RYR2: variants seen among roughly 807,000 people sequenced by gnomAD.
RYR2 encodes the protein ryanodine receptor 2, also known as cardiac muscle ryanodine receptor-calcium release channel.
A neutral mutation model predicts 601.1 loss-of-function variants in RYR2; 227 were observed. That is an observed-to-expected ratio of 0.38 (90% CI 0.34 to 0.42). The LOEUF (loss-of-function observed/expected upper bound fraction) is 0.42, where lower values mean the gene tolerates loss of function less well. Among genes scored for constraint, RYR2 ranks in the 10% least tolerant of loss-of-function variants. The pLI, the probability that RYR2 is intolerant of heterozygous loss-of-function variation, is 1.00. For missense variants in RYR2, 4,646 were observed against 6,156.5 expected, an observed-to-expected ratio of 0.75 and a Z score of 8.21; for synonymous variants, 2,223 against 2,175.1, an observed-to-expected ratio of 1.02 and a Z score of -0.61.
chr1:237,059,536 G>C (rs560119071), intron 1 of RYR2, among the ~76,000 whole-genome samples: 7 of 152,170 alleles, frequency 4.6e-5, no homozygotes, highest in Middle Eastern at 3.4e-3. Context: ...TATTTTTGTG[G>C]GCAGGGAAAA....
At chr1:237,708,689 A>G (rs1409961451) in intron 68 of RYR2, among the ~76,000 whole-genome samples, 169 bp from the exon 69 acceptor site, 2 of 152,208 alleles carry the variant, frequency 1.3e-5, no homozygotes, top group Admixed American at 6.5e-5. Context: ...AATGGCAGCT[A>G]TGCAATTAGA....
intron 1 of RYR2, among the ~76,000 whole-genome samples, chr1:237,235,698 C>T (rs1350004955): frequency 6.6e-6 from 1 of 152,148 alleles, no homozygotes; most frequent in Non-Finnish European, 1.5e-5. Flanking sequence ...TTATATAACC[C>T]AAGTAACAAG....
chr1:237,159,235 G>T (rs1675735288), intron 1 of RYR2, among the ~76,000 whole-genome samples: 1 of 152,114 alleles, frequency 6.6e-6, no homozygotes. Context: ...AGGTTCCAGT[G>T]AGCCGAGATC....
intron 3 of RYR2, among the ~76,000 whole-genome samples, chr1:237,341,941 A>G (rs1004828071): frequency 2.0e-5 from 3 of 152,300 alleles, no homozygotes; most frequent in Admixed American, 1.3e-4. Flanking sequence ...CATAATCACT[A>G]TTAGTTCCCC....
At chr1:237,322,889 A>G (rs983495655) in intron 2 of RYR2, among the ~76,000 whole-genome samples, 3 of 151,418 alleles carry the variant, frequency 2.0e-5, no homozygotes, top group South Asian at 2.1e-4. Flanking sequence ...TTTTTGAGGA[A>G]AGAGTGAAAA....
intron 29 of RYR2, among the ~76,000 whole-genome samples, chr1:237,580,425 G>A (rs1416907186): frequency 2.0e-5 from 3 of 151,288 alleles, no homozygotes; most frequent in Admixed American, 6.6e-5. Context: ...CAAAGGTGTT[G>A]GGATTACAGG....
intron 80 of RYR2, among the ~76,000 whole-genome samples, chr1:237,748,930 T>C (rs1269083773): frequency 1.3e-5 from 2 of 152,212 alleles, no homozygotes; most frequent in Non-Finnish European, 2.9e-5. Context: ...TTACATTGTG[T>C]ATTAAGTATT....
intron 25 of RYR2, among the ~76,000 whole-genome samples, chr1:237,544,929 T>A (rs542675683): frequency 2.6e-5 from 4 of 152,208 alleles, no homozygotes; most frequent in Non-Finnish European, 4.4e-5. Flanking sequence ...ACTGTACAAA[T>A]GATTTGTTGT....
intron 8 of RYR2, among the ~76,000 whole-genome samples, chr1:237,381,565 G>C (rs116927034): frequency 6.6e-6 from 1 of 152,230 alleles, no homozygotes; most frequent in African/African-American, 2.4e-5. Flanking sequence ...CACTAACAGC[G>C]ATGGTTAAGC....
intron 17 of RYR2, among the ~76,000 whole-genome samples, chr1:237,471,472 G>A (rs1029508445): frequency 6.6e-6 from 1 of 152,250 alleles, no homozygotes; most frequent in Non-Finnish European, 1.5e-5. Context: ...TTAGGGCCAA[G>A]TGTCCAGAAT....
At chr1:237,545,761 A>T (rs1174167680) in intron 25 of RYR2, among the ~76,000 whole-genome samples, 5 of 151,940 alleles carry the variant, frequency 3.3e-5, no homozygotes, top group Non-Finnish European at 5.9e-5. Context: ...AATAAAAAAA[A>T]AAAAAAATAC....
At chr1:237,474,421 C>G (rs1661173325) in intron 17 of RYR2, among the ~76,000 whole-genome samples, 1 of 151,850 alleles carries the variant, frequency 6.6e-6, no homozygotes, top group Admixed American at 6.6e-5. Context: ...ACTCAATGTT[C>G]TATATATGCC....
chr1:237,338,066 G>T (rs754765984), intron 3 of RYR2, among the ~76,000 whole-genome samples: 5 of 152,124 alleles, frequency 3.3e-5, no homozygotes, highest in Admixed American at 6.5e-5. Context: ...AGCCAGCAGT[G>T]ACCTACCATG....
intron 3 of RYR2, among the ~76,000 whole-genome samples, chr1:237,349,550 T>G (rs1698581767): frequency 6.6e-6 from 1 of 152,188 alleles, no homozygotes; most frequent in Admixed American, 6.5e-5. Flanking sequence ...ATAATCGTAT[T>G]AATGCCTTGT....
intron 10 of RYR2, among the ~76,000 whole-genome samples, chr1:237,411,870 C>A (rs1704492805): frequency 6.6e-6 from 1 of 152,092 alleles, no homozygotes; most frequent in African/African-American, 2.4e-5. Flanking sequence ...GCAGCACTCA[C>A]AATGAAAGGA....
chr1:237,149,049 G>A (rs550962495), intron 1 of RYR2, among the ~76,000 whole-genome samples: 17 of 152,248 alleles, frequency 1.1e-4, no homozygotes, highest in African/African-American at 3.9e-4. Flanking sequence ...AATCAAGTAG[G>A]ATAAATTGTT....
Position 237,759,797 on chromosome 1 carries a change from G to C in RYR2, c.11347G>C (p.Glu3783Gln). The change falls in exon 83 of 105, where the codon GAG becomes CAG. Residue 3783 changes from glutamate (E) to glutamine (Q), a missense_variant. Transcript: ENST00000366574. ...ATAGAAAATGCTTGACTACCTCAAG[G>C]AGAAAAAGGATGTGGGCTTCTTTCA... The part of the protein sequence containing the change: ...VQQKMLDYLK[E>Q]KKDVGFFQSL... The C allele has an allele frequency of 6.2e-7, 1 of 1,612,746 alleles. No homozygotes were observed.
intron 87 of RYR2, among the ~76,000 whole-genome samples, chr1:237,775,542 C>CATTGTGT (rs563232870): frequency 5.1e-4 from 76 of 149,166 alleles, no homozygotes; most frequent in African/African-American, 1.7e-3. Flanking sequence ...TAGATTACAG[C>CATTGTGT]ATTGCGTATT....
At chr1:237,379,979 TA>T (rs1401507854) in intron 8 of RYR2, among the ~76,000 whole-genome samples, 1 of 152,190 alleles carries the variant, frequency 6.6e-6, no homozygotes, top group Non-Finnish European at 1.5e-5. Context: ...TCATGCTTTC[TA>T]ACCTCAAATA....
Sources: allele counts gnomAD v4.1 joint callset (sites outside exome capture counted in the v4.1 genomes callset), GRCh38; gene constraint gnomAD v4.1.1; transcripts MANE v1.5; gene names NCBI Gene and HGNC (gene_info 2026-07-23, HGNC 2026-07-21).